EPHA4: variants seen among roughly 807,000 people sequenced by gnomAD.
EPHA4 encodes EPH receptor A4.
A neutral mutation model predicts 108.3 loss-of-function variants in EPHA4; 19 were observed. The observed-to-expected ratio is 0.18, with a 90% CI of 0.12 to 0.26. The LOEUF is 0.26. Among genes scored for constraint, EPHA4 ranks in the 10% least tolerant of loss-of-function variants. EPHA4 has a pLI of 1.00. For synonymous variants in EPHA4, 449 were observed against 455.5 expected, an observed-to-expected ratio of 0.99 and a Z score of 0.18; for missense variants, 917 against 1,254.0, an observed-to-expected ratio of 0.73 and a Z score of 4.06.
chr2:221,519,204 G>A (rs561750243), intron 3 of EPHA4, among the ~76,000 whole-genome samples: 2 of 152,258 alleles, frequency 1.3e-5, no homozygotes, highest in Admixed American at 6.5e-5. Context: ...GCAACAGCTA[G>A]GGTGGCTATA....
intron 3 of EPHA4, among the ~76,000 whole-genome samples, chr2:221,544,139 T>TC (rs1693915750): frequency 6.6e-6 from 1 of 152,160 alleles, no homozygotes; most frequent in African/African-American, 2.4e-5. Flanking sequence ...TACTTCCTAA[T>TC]ACCATCACCT....
At chr2:221,435,459 A>G (rs1690201955) in intron 13 of EPHA4, among the ~76,000 whole-genome samples, 2 of 152,186 alleles carry the variant, frequency 1.3e-5, no homozygotes, top group South Asian at 4.1e-4. Context: ...AAAGAAATAG[A>G]ATACTATACC....
At chr2:221,544,543 C>G (rs879858072) in intron 3 of EPHA4, among the ~76,000 whole-genome samples, 1 of 152,148 alleles carries the variant, frequency 6.6e-6, no homozygotes, top group Admixed American at 6.5e-5. Flanking sequence ...CCAGGCTGGT[C>G]TCGAACTCCT....
intron 3 of EPHA4, among the ~76,000 whole-genome samples, chr2:221,507,775 G>A (rs1397248055): frequency 3.3e-5 from 5 of 152,196 alleles, no homozygotes. Context: ...TGCGGCCTAA[G>A]CTCTAGTCTG....
At chr2:221,461,218 A>T (rs1413764532) in intron 5 of EPHA4, among the ~76,000 whole-genome samples, 2 of 152,320 alleles carry the variant, frequency 1.3e-5, no homozygotes, top group Middle Eastern at 3.4e-3. Flanking sequence ...AATATTACAT[A>T]ATATCTCATC....
chr2:221,427,522 G>A (rs779113486), intron 15 of EPHA4, among the ~76,000 whole-genome samples: 3 of 152,168 alleles, frequency 2.0e-5, no homozygotes, highest in Non-Finnish European at 4.4e-5. Flanking sequence ...AATAACCATA[G>A]AGCAGGCCTT....
At chr2:221,559,519 G>A (rs922777046) in intron 3 of EPHA4, among the ~76,000 whole-genome samples, 13 of 151,982 alleles carry the variant, frequency 8.6e-5, no homozygotes, top group South Asian at 6.2e-4. Context: ...ACCAGCCTAG[G>A]CAACAGAGTG....
chr2:221,424,140 ATT>A (rs34786402), intron 17 of EPHA4, among the ~76,000 whole-genome samples: 85 of 147,076 alleles, frequency 5.8e-4, no homozygotes, highest in Middle Eastern at 3.5e-3. Context: ...AATAATAATA[ATT>A]TTTTTTTTTT....
At chr2:221,488,443 T>C (rs779403552) in intron 4 of EPHA4, among the ~76,000 whole-genome samples, 6 of 152,224 alleles carry the variant, frequency 3.9e-5, no homozygotes, top group Non-Finnish European at 7.3e-5. Flanking sequence ...ATATGGCTTA[T>C]TTCTTGAGTT....
chr2:221,542,136 G>A (rs1027829501), intron 3 of EPHA4, among the ~76,000 whole-genome samples: 1 of 152,184 alleles, frequency 6.6e-6, no homozygotes, highest in Non-Finnish European at 1.5e-5. Context: ...CAGGAGAGAA[G>A]GGAGAGGCAA....
chr2:221,555,960 C>T (rs915992226), intron 3 of EPHA4, among the ~76,000 whole-genome samples: 6 of 152,140 alleles, frequency 3.9e-5, no homozygotes, highest in African/African-American at 7.2e-5. Context: ...TTTTTAAAGC[C>T]TCTCCATGAC....
At chr2:221,509,381 AT>A (rs889689338) in intron 3 of EPHA4, among the ~76,000 whole-genome samples, 12 of 152,168 alleles carry the variant, frequency 7.9e-5, no homozygotes, top group Non-Finnish European at 1.2e-4. Context: ...TTATTTCGAG[AT>A]TTTTTTGTGC....
At chr2:221,423,716 T>C (rs16862637) in intron 17 of EPHA4, among the ~76,000 whole-genome samples, 23,688 of 151,918 alleles carry the variant, frequency 0.16, 2,023 homozygotes, top group African/African-American at 0.2. Flanking sequence ...GCTTTTAATA[T>C]GTTCAGTGTT....
chr2:221,490,638 G>C (rs1442063289), intron 4 of EPHA4, among the ~76,000 whole-genome samples: 1 of 152,158 alleles, frequency 6.6e-6, no homozygotes, highest in East Asian at 1.9e-4. Flanking sequence ...ACAACTTTTG[G>C]ACTGTCAATA....
At chr2:221,546,754 A>G (rs1413006542) in intron 3 of EPHA4, among the ~76,000 whole-genome samples, 2 of 152,194 alleles carry the variant, frequency 1.3e-5, no homozygotes, top group African/African-American at 4.8e-5. Context: ...AGATGTCCCC[A>G]TTGTTTATAG....
intron 3 of EPHA4, among the ~76,000 whole-genome samples, chr2:221,518,705 T>G (rs1293588862): frequency 6.6e-6 from 1 of 152,262 alleles, no homozygotes; most frequent in Non-Finnish European, 1.5e-5. Flanking sequence ...TTTCTATGTT[T>G]CTTGCCATTG....
At chr2:221,475,250 A>G (rs1442692548) in intron 5 of EPHA4, among the ~76,000 whole-genome samples, 1 of 152,212 alleles carries the variant, frequency 6.6e-6, no homozygotes, top group Admixed American at 6.5e-5. Flanking sequence ...CATACTTTAA[A>G]GAGAACCAGA....
In EPHA4 at chr2:221,455,539, G is replaced by C; in HGVS notation, c.1715+8C>G. 1 of 1,610,626 alleles carries C rather than the reference G, an allele frequency of 6.2e-7. No individual in the cohort carries two copies. Among genetic ancestry groups the C allele is most frequent in the Non-Finnish European group, 8.5e-7 (1 of 1,177,008 alleles). Reference sequence around the variant, plus strand: ...GGGGGCTGCACAGTGAGTGGCTTCAGTGCTTACCTCCGGCTGATGACAAAA... The same window carrying C: ...GGGGGCTGCACAGTGAGTGGCTTCACTGCTTACCTCCGGCTGATGACAAAA... On this transcript the variant is annotated splice_region_variant and intron_variant, in intron 8 of 17. Transcript: ENST00000281821.
intron 3 of EPHA4, among the ~76,000 whole-genome samples, chr2:221,508,639 T>C (rs376791231): frequency 1.3e-5 from 2 of 150,344 alleles, no homozygotes; most frequent in East Asian, 2.0e-4. Flanking sequence ...GTTTGAAATA[T>C]AAAATTTAAA....
Sources: gnomAD v4.1 joint callset for allele counts (sites outside exome capture counted in the v4.1 genomes callset) on GRCh38, gnomAD v4.1.1 for gene constraint, MANE v1.5 for transcripts, NCBI Gene and HGNC (gene_info 2026-07-23, HGNC 2026-07-21) for gene names.